The following ATOSA variants were observed in gnomAD, a reference collection of about 807,000 sequenced individuals.
ATOSA encodes atos homolog protein A.
the ATOSA span, among the ~76,000 whole-genome samples, chr15:52,589,657 G>A: frequency 9.1e-4 from 139 of 152,152 alleles, no homozygotes; most frequent in African/African-American, 3.3e-3. Context: ...GAAAGGGACT[G>A]GGAAATTATT....
the ATOSA span, among the ~76,000 whole-genome samples, chr15:52,639,367 C>T: frequency 3.9e-5 from 6 of 152,136 alleles, no homozygotes; most frequent in African/African-American, 7.2e-5. Flanking sequence ...TCTCATATAA[C>T]CTCTGGTGCT....
At chr15:52,599,268 C>T in the ATOSA span, among the ~76,000 whole-genome samples, 33 of 152,244 alleles carry the variant, frequency 2.2e-4, no homozygotes, top group Non-Finnish European at 3.8e-4. Context: ...CCACCCGACC[C>T]TAACAATGGC....
the ATOSA span, among the ~76,000 whole-genome samples, chr15:52,662,187 G>A: frequency 6.6e-6 from 1 of 152,098 alleles, no homozygotes; most frequent in African/African-American, 2.4e-5. Flanking sequence ...AAGCTTTAGT[G>A]TGAAAGTGTT....
the ATOSA span, among the ~76,000 whole-genome samples, chr15:52,704,042 G>A: frequency 2.2e-4 from 34 of 151,978 alleles, no homozygotes; most frequent in Admixed American, 5.3e-4. Context: ...AAGGAAGAAA[G>A]AAAACATACA....
the ATOSA span, among the ~76,000 whole-genome samples, chr15:52,698,896 T>A: frequency 6.6e-6 from 1 of 152,218 alleles, no homozygotes; most frequent in African/African-American, 2.4e-5. Context: ...TAAATAAACT[T>A]GGCCAAATCT....
the ATOSA span, among the ~76,000 whole-genome samples, chr15:52,654,750 GATC>G: frequency 6.6e-6 from 1 of 152,002 alleles, no homozygotes; most frequent in Non-Finnish European, 1.5e-5. Flanking sequence ...AACTATTTCA[GATC>G]ATCTATGTTT....
the ATOSA span, among the ~76,000 whole-genome samples, chr15:52,590,350 A>G: frequency 6.6e-6 from 1 of 152,222 alleles, no homozygotes; most frequent in African/African-American, 2.4e-5. Context: ...AACCGTTTCT[A>G]AACAGCTAAG....
At chr15:52,637,314 AAATT>A in the ATOSA span, among the ~76,000 whole-genome samples, 1 of 152,078 alleles carries the variant, frequency 6.6e-6, no homozygotes, top group South Asian at 2.1e-4. Context: ...AAAAGGGAGA[AAATT>A]AAGACAAAAG....
the ATOSA span, among the ~76,000 whole-genome samples, chr15:52,604,261 A>G: frequency 3.9e-5 from 6 of 152,244 alleles, no homozygotes; most frequent in Admixed American, 3.9e-4. Context: ...CTCTACTAAA[A>G]ATACAAAAAA....
the ATOSA span, chr15:52,610,445 A>G: frequency 6.8e-7 from 1 of 1,477,526 alleles, no homozygotes; most frequent in South Asian, 1.4e-5. Flanking sequence ...TTATTATTGT[A>G]TATTATTTTA....
chr15:52,608,527 A>C, the ATOSA span: 1 of 1,515,816 alleles, frequency 6.6e-7, no homozygotes, highest in Non-Finnish European at 8.8e-7. Context: ...AACCATAACA[A>C]ATATTTGAGA....
At chr15:52,683,489 G>C in the ATOSA span, among the ~76,000 whole-genome samples, 3 of 152,288 alleles carry the variant, frequency 2.0e-5, no homozygotes, top group African/African-American at 4.8e-5. Context: ...TAAGATATAA[G>C]CTCTAAATCA....
At chr15:52,660,226 T>G in the ATOSA span, among the ~76,000 whole-genome samples, 468 of 152,290 alleles carry the variant, frequency 3.1e-3, 3 homozygotes, top group African/African-American at 0.011. Context: ...GTGACAGGTA[T>G]GAGGAAAACA....
At chr15:52,629,588 G>A in the ATOSA span, 1 of 396,776 alleles carries the variant, frequency 2.5e-6, no homozygotes, top group Non-Finnish European at 5.1e-6. Flanking sequence ...CACATCATGA[G>A]CTCAGGAGTT....
At chr15:52,599,729 A>G in the ATOSA span, among the ~76,000 whole-genome samples, 3 of 152,222 alleles carry the variant, frequency 2.0e-5, no homozygotes, top group Non-Finnish European at 1.5e-5. Context: ...AGTTGCAAAT[A>G]AAGTACAGAA....
the ATOSA span, among the ~76,000 whole-genome samples, chr15:52,702,759 G>C: frequency 1.0e-5 from 1 of 99,318 alleles, no homozygotes; most frequent in Non-Finnish European, 2.0e-5. Context: ...GAGTCTAAAA[G>C]TTGAAAAAAA....
At chr15:52,651,662 TA>T in the ATOSA span, among the ~76,000 whole-genome samples, 9 of 152,208 alleles carry the variant, frequency 5.9e-5, no homozygotes, top group African/African-American at 2.2e-4. Context: ...AGCATTTTAA[TA>T]ATCTTTTCAG....
chr15:52,586,661 G>C, the ATOSA span: 2 of 157,030 alleles, frequency 1.3e-5, no homozygotes, highest in African/African-American at 4.8e-5. Context: ...TCAATGCCTA[G>C]ACCAAAAGGA....
the ATOSA span, among the ~76,000 whole-genome samples, chr15:52,667,562 C>T: frequency 1.3e-5 from 2 of 152,162 alleles, no homozygotes; most frequent in Admixed American, 6.5e-5. Context: ...AAATGTTTAA[C>T]GGCTGGCTCA....
Sources: gnomAD v4.1 joint callset for allele counts (sites outside exome capture counted in the v4.1 genomes callset) on GRCh38, gnomAD v4.1.1 for gene constraint, MANE v1.5 for transcripts, NCBI Gene and HGNC (gene_info 2026-07-23, HGNC 2026-07-21) for gene names.